Variants in PCDHA8 observed in about 807,000 individuals in gnomAD.
PCDHA8 encodes the protein protocadherin alpha 8.
A neutral mutation model predicts 61.8 loss-of-function variants in PCDHA8; 53 were observed. That is an observed-to-expected ratio of 0.86 (90% CI 0.69 to 1.08). The LOEUF (loss-of-function observed/expected upper bound fraction) is 1.08. Ranked by LOEUF, PCDHA8 falls within the 50% of genes least tolerant of loss-of-function variation. PCDHA8 has a pLI of 0.00. For missense variants in PCDHA8, 1,293 were observed against 1,245.0 expected (o/e 1.04, Z -0.58); for synonymous variants, 618 against 556.6 (o/e 1.11, Z -1.55).
intron 1 of PCDHA8, chr5:140,851,076 A>G: frequency 7.5e-7 from 1 of 1,337,516 alleles, no homozygotes; most frequent in Non-Finnish European, 9.8e-7. Flanking sequence ...AGAATTATAA[A>G]CTGTATATTA....
At chr5:140,864,124 T>C (rs528215401) in intron 1 of PCDHA8, 4 of 152,368 alleles carry the variant, frequency 2.6e-5, no homozygotes, top group South Asian at 2.1e-4. Flanking sequence ...TGAATTAGAC[T>C]GAGTGGCTGT....
intron 1 of PCDHA8, among the ~76,000 whole-genome samples, chr5:140,948,792 T>C (rs1215416836): frequency 6.6e-6 from 1 of 151,646 alleles, no homozygotes; most frequent in Non-Finnish European, 1.5e-5. Context: ...TTTGTTGATA[T>C]ATTTTCTATT....
rs6883852 is a variant in PCDHA8, at chr5:140,924,704, G to T, written c.2395-54245G>T. 8.9e-3 allele frequency among the ~76,000 whole-genome samples: 1,352 copies of T among 152,160 alleles called. 15 individuals are homozygous for T. Among genetic ancestry groups the T allele is most frequent in the African/African-American group, 0.032 (1,309 of 41,486 alleles). On this transcript the variant is annotated intron_variant, in intron 1 of 3. Coordinates refer to ENST00000531613, the MANE Select transcript of PCDHA8 (RefSeq NM_018911.3). ...GAGGTCAGGAGTTCGAGACCAGCTT[G>T]TGCAACATGGCGAAACCTCACCTCT...
chr5:140,975,996 C>T (rs923472287), intron 1 of PCDHA8, among the ~76,000 whole-genome samples: 1 of 152,064 alleles, frequency 6.6e-6, no homozygotes, highest in African/African-American at 2.4e-5. Flanking sequence ...GAGGTACCAT[C>T]TAAGTATTAA....
chr5:140,851,156 T>C (rs1174677153), intron 1 of PCDHA8: 2 of 1,302,318 alleles, frequency 1.5e-6, no homozygotes, highest in South Asian at 2.6e-5. Context: ...GAATTTCTGA[T>C]GCTATGCTGC....
intron 1 of PCDHA8, chr5:140,926,708 C>G (rs1554203635): frequency 2.2e-6 from 2 of 896,142 alleles, no homozygotes; most frequent in South Asian, 5.3e-5. Context: ...CCCAGCTGGC[C>G]AGCCCCGGCA....
chr5:140,870,405 G>A (rs1226660080), intron 1 of PCDHA8: 1 of 1,614,248 alleles, frequency 6.2e-7, no homozygotes, highest in Non-Finnish European at 8.5e-7. Flanking sequence ...CGCCTTCTCT[G>A]TGGGCCACGG....
In PCDHA8 at chr5:140,871,116, C is replaced by A. The variant is rs200344692; in HGVS notation, c.2394+27401C>A. On this transcript the variant is annotated intron_variant, in intron 1 of 3. Transcript: ENST00000531613. The stretch of plus-strand genomic sequence containing the variant: ...CCGTGCTGGTGTCGTTGGTGGAGAG[C>A]GGACAGGCGCCAAAGGCCTCTTCCC... The A allele has an allele frequency of 4.3e-4, 686 of 1,613,264 alleles. 1 individual carries two copies. Among genetic ancestry groups the A allele is most frequent in the Middle Eastern group, 2.1e-3 (13 of 6,062 alleles).
In PCDHA8 at chr5:140,857,896, T is replaced by A; in HGVS notation, c.2394+14181T>A. 4 of 1,597,704 alleles carry A rather than the reference T, an allele frequency of 2.5e-6. 1 individual carries two copies. The highest frequency in any genetic ancestry group is 3.4e-6 in the Non-Finnish European group (4 of 1,167,490). On this transcript the variant is annotated intron_variant, in intron 1 of 3. Coordinates refer to ENST00000531613, the MANE Select transcript of PCDHA8 (RefSeq NM_018911.3). ...ATGAATTGCAGTCGGCGGCGGTTGGTGCACGCATCCCGTTTCGCGTGGGGC... is the reference window on the plus strand; with the variant it reads ...ATGAATTGCAGTCGGCGGCGGTTGGAGCACGCATCCCGTTTCGCGTGGGGC...
intron 3 of PCDHA8, among the ~76,000 whole-genome samples, chr5:141,009,094 C>T (rs1350235475): frequency 6.6e-6 from 1 of 152,176 alleles, no homozygotes; most frequent in Non-Finnish European, 1.5e-5. Flanking sequence ...AAGAACCAAA[C>T]ATATGTTACT....
chr5:140,841,541 C>T lies in PCDHA8; in HGVS notation c.220C>T (p.Leu74Phe). ...GGTGGCGTCCAAAAGACACCGGGAC[C>T]TTCTGGAGGTAAGTCTGCAGAATGG... ...FRVASKRHRDLLEVSLQNGIL... is the reference protein window; with the variant it reads ...FRVASKRHRDFLEVSLQNGIL... Residue 74 changes from leucine (L) to phenylalanine (F), a missense_variant, in exon 1 of 4, where the codon CTT (leucine) becomes TTT (phenylalanine). By Grantham distance (22) the Leu-to-Phe change is conservative. Coordinates refer to ENST00000531613, the MANE Select transcript of PCDHA8 (RefSeq NM_018911.3). 3 of 1,613,720 alleles carry T rather than the reference C, an allele frequency of 1.9e-6. No individual in the cohort carries two copies. Among genetic ancestry groups the T allele is most frequent in the Non-Finnish European group, 2.5e-6 (3 of 1,179,994 alleles).
intron 1 of PCDHA8, among the ~76,000 whole-genome samples, chr5:140,959,643 G>A (rs246006): frequency 0.56 from 85,684 of 152,026 alleles, 24,754 homozygotes; most frequent in African/African-American, 0.69. Flanking sequence ...AAAAAACACA[G>A]AAGCAAAATT....
intron 1 of PCDHA8, among the ~76,000 whole-genome samples, chr5:140,914,030 G>A (rs2076568173): frequency 1.3e-5 from 2 of 152,180 alleles, no homozygotes; most frequent in South Asian, 4.1e-4. Flanking sequence ...CACGTGCTGA[G>A]AAGAATGTGT....
intron 1 of PCDHA8, chr5:140,854,783 A>C (rs1360368863): frequency 6.7e-6 from 1 of 149,694 alleles, no homozygotes; most frequent in East Asian, 1.9e-4. Flanking sequence ...GATTTCAAGA[A>C]CTTTGAGAGA....
intron 1 of PCDHA8, chr5:140,969,516 A>G: frequency 1.4e-6 from 2 of 1,410,726 alleles, no homozygotes; most frequent in Non-Finnish European, 1.9e-6. Flanking sequence ...GCACTAAAGA[A>G]TTGTTTTATT....
intron 1 of PCDHA8, among the ~76,000 whole-genome samples, chr5:140,921,875 A>G (rs1414785128): frequency 6.6e-6 from 1 of 152,118 alleles, no homozygotes; most frequent in Non-Finnish European, 1.5e-5. Flanking sequence ...CAGTATATAT[A>G]TAAGATTTTA....
At chr5:140,897,712 G>A (rs1180745180) in intron 1 of PCDHA8, among the ~76,000 whole-genome samples, 3 of 152,162 alleles carry the variant, frequency 2.0e-5, no homozygotes, top group African/African-American at 7.2e-5. Context: ...CCAGTAATGG[G>A]ATGGCTGGGT....
intron 1 of PCDHA8, chr5:140,968,792 A>G (rs200477554): frequency 2.5e-6 from 4 of 1,614,186 alleles, no homozygotes; most frequent in Admixed American, 3.3e-5. Flanking sequence ...CTCTGTGGCC[A>G]TTACAGTAGC....
chr5:140,841,613 C>A lies in PCDHA8; in HGVS notation c.292C>A (p.Arg98=). 3 of 1,614,080 alleles carry A rather than the reference C, an allele frequency of 1.9e-6. No homozygotes were observed. The highest frequency in any genetic ancestry group is 2.5e-6 in the Non-Finnish European group (3 of 1,180,002). ...GATCGACCGCGAGGAGCTGTGCGGG[C>A]GGAGCGCGGAGTGCAGCATCCACCT... ...SRIDREELCG[R]SAECSIHLEV... is the part of the protein sequence containing the mutation. Residue 98 remains arginine, a synonymous_variant, in exon 1 of 4, where the codon CGG becomes AGG. Transcript: ENST00000531613.
Sources: gnomAD v4.1 joint callset for allele counts (sites outside exome capture counted in the v4.1 genomes callset) on GRCh38, gnomAD v4.1.1 for gene constraint, MANE v1.5 for transcripts, NCBI Gene and HGNC (gene_info 2026-07-23, HGNC 2026-07-21) for gene names.